The following C3orf52 variants were observed in gnomAD, a reference collection of about 807,000 sequenced individuals.
C3orf52 encodes the protein chromosome 3 open reading frame 52.
Under a neutral mutation model 24.8 loss-of-function variants are expected in C3orf52, and 22 were observed. The observed-to-expected ratio is 0.89, with a 90% CI of 0.63 to 1.27. C3orf52 has a LOEUF of 1.27. Ranked by LOEUF, C3orf52 falls within the 50% of genes most tolerant of loss-of-function variation. C3orf52 has a pLI of 0.00. For synonymous variants in C3orf52, 93 were observed against 100.2 expected (o/e 0.93, Z 0.43); for missense variants, 265 against 260.7 (o/e 1.02, Z -0.11).
downstream of C3orf52, chr3:112,133,444 T>A: frequency 3.4e-6 from 1 of 297,454 alleles, no homozygotes; most frequent in Non-Finnish European, 6.2e-6. Context: ...GCCATGGGAG[T>A]TTTTCCACTA....
At chr3:112,136,148 A>G in the C3orf52 span, among the ~76,000 whole-genome samples, 3 of 152,240 alleles carry the variant, frequency 2.0e-5, no homozygotes, top group African/African-American at 7.2e-5. Flanking sequence ...TAGCAAATAT[A>G]TTACAAAAAT....
intron 3 of C3orf52, 136 bp from the exon 4 acceptor site, chr3:112,109,407 C>T: frequency 2.0e-6 from 1 of 498,662 alleles, no homozygotes. Flanking sequence ...AATTCTTGAT[C>T]CAGAGCTTCC....
rs386397627 is a variant in C3orf52, at chr3:112,090,287, C to CTT, written c.139-3053_139-3052dup. On this transcript the variant is annotated intron_variant, in intron 1 of 5. Coordinates refer to ENST00000264848, the MANE Select transcript of C3orf52 (RefSeq NM_024616.3). ...TGGGAGTGTCTGACAGTTTCATGTG[C>CTT]TTTTTTTTTTTTTTTTTTTTTCATT... 7.2e-3 allele frequency among the ~76,000 whole-genome samples: 785 copies of CTT among 108,926 alleles called. 28 individuals carry two copies. The highest frequency in any genetic ancestry group is 0.028 in the East Asian group (103 of 3,728). 71.5% of individuals were successfully genotyped at this position (108,926 alleles called of 152,430 possible).
At chr3:112,128,436 C>T (rs1395448022) in exon 5 of C3orf52, 1 of 371,060 alleles carries the variant, frequency 2.7e-6, no homozygotes, top group African/African-American at 2.1e-5. Context: ...ATGGGTTAGG[C>T]AATATCAGTA....
At chr3:112,102,644 G>T (rs2073983977) in intron 2 of C3orf52, among the ~76,000 whole-genome samples, 194 bp from the exon 3 acceptor site, 1 of 152,088 alleles carries the variant, frequency 6.6e-6, no homozygotes, top group Non-Finnish European at 1.5e-5. Flanking sequence ...TTTGATAGAG[G>T]CAAACCCCTG....
intron 3 of C3orf52, 32 bp from the exon 4 acceptor site, chr3:112,109,511 G>A (rs1337689903): frequency 3.6e-6 from 5 of 1,394,446 alleles, no homozygotes; most frequent in Non-Finnish European, 5.0e-6. Flanking sequence ...TGTCGGTAAT[G>A]TGTGTGGTTT....
At chr3:112,113,169 C>A in intron 5 of C3orf52, 24 bp downstream of exon 5, 1 of 1,559,910 alleles carries the variant, frequency 6.4e-7, no homozygotes, top group South Asian at 1.2e-5. Context: ...GTAAAGAAGT[C>A]AGAGTTGTGA....
rs2074286682 is a variant in C3orf52 at position 112,125,127 on chromosome 3, A to C, written c.*47-3106A>C. 5 of 792,732 alleles carry C rather than the reference A, an allele frequency of 6.3e-6. No individual in the cohort carries two copies. The Admixed American group carries it at 9.5e-5, about 15-fold the overall frequency. The allele number at this position is 792,732 out of a possible 1,614,324, so 49.1% of individuals were successfully genotyped here. ...GACATCTAAAGTCTTTCTCCATGTA[A>C]GGGTCAGAAGGGATCTCAGAGGCCA... On this transcript the variant is annotated intron_variant, in intron 4 of 4. Coordinates refer to the C3orf52 transcript ENST00000480282.
intron 4 of C3orf52, chr3:112,112,485 A>T (rs1332750971): frequency 1.8e-5 from 3 of 167,390 alleles, no homozygotes; most frequent in African/African-American, 7.2e-5. Flanking sequence ...TGTGCCTTAA[A>T]CATTTTCATA....
chr3:112,105,305 A>G (rs2107783814), intron 3 of C3orf52, among the ~76,000 whole-genome samples: 1 of 152,376 alleles, frequency 6.6e-6, no homozygotes, highest in East Asian at 1.9e-4. Flanking sequence ...TGATCAAAGT[A>G]AGGCATAGTG....
chr3:112,114,209 A>T, intron 5 of C3orf52, among the ~76,000 whole-genome samples: 1 of 152,160 alleles, frequency 6.6e-6, no homozygotes, highest in East Asian at 1.9e-4. Flanking sequence ...AGGCAAGAGT[A>T]ATGTTGGCCT....
intron 1 of C3orf52, among the ~76,000 whole-genome samples, chr3:112,087,621 T>G (rs576512588): frequency 7.9e-5 from 12 of 152,242 alleles, no homozygotes; most frequent in Non-Finnish European, 1.8e-4. Flanking sequence ...TATTGCAAAG[T>G]CTGCTTTTAT....
At chr3:112,100,925 T>C (rs1168772810) in intron 2 of C3orf52, among the ~76,000 whole-genome samples, 2 of 152,200 alleles carry the variant, frequency 1.3e-5, no homozygotes, top group Non-Finnish European at 2.9e-5. Context: ...AATTACCTAT[T>C]TGTTAGGACC....
At chr3:112,112,381 C>A (rs2074091459) in intron 4 of C3orf52, 1 of 153,470 alleles carries the variant, frequency 6.5e-6, no homozygotes, top group Non-Finnish European at 1.5e-5. Context: ...ACTTTGGGGA[C>A]AAACCAGGGA....
At chr3:112,130,639 C>A (rs2074431083), downstream of C3orf52, 1 of 822,444 alleles carries the variant, frequency 1.2e-6, no homozygotes, top group African/African-American at 1.7e-5. Context: ...ACTGGTTGCC[C>A]TCACACATGT....
chr3:112,128,007 G>A, intron 4 of C3orf52: 1 of 1,611,594 alleles, frequency 6.2e-7, no homozygotes. Context: ...AAAAACAACT[G>A]TCCACTCACC....
downstream of C3orf52, chr3:112,123,145 G>C (rs1034211550): frequency 2.8e-6 from 1 of 356,352 alleles, no homozygotes; most frequent in African/African-American, 2.1e-5. Flanking sequence ...CAGAAGAGCA[G>C]AGCCCCTTGT....
chr3:112,127,981 T>A, intron 4 of C3orf52: 1 of 1,591,028 alleles, frequency 6.3e-7, no homozygotes, highest in African/African-American at 1.3e-5. Context: ...AAACCACACT[T>A]AGGGAAATAA....
rs1396523598 is a variant in C3orf52 at position 112,109,633 on chromosome 3, C to T, written c.467+20C>T. The T allele has an allele frequency of 1.4e-6, 2 of 1,462,208 alleles. No individual in the cohort carries two copies. Among genetic ancestry groups the T allele is most frequent in the Non-Finnish European group, 1.9e-6 (2 of 1,050,218 alleles). The allele number at this position is 1,462,208 out of a possible 1,614,324, so 90.6% of individuals were successfully genotyped here. A position where few individuals can be genotyped will look rare whatever the true frequency, so the allele number is the denominator to read the frequency against. Reference sequence around the variant, plus strand: ...CTTCAGGTAAGAGTGTGGAACATTACATTTTGCTCTCTTTCTCTGGAAAGA... The same window carrying T: ...CTTCAGGTAAGAGTGTGGAACATTATATTTTGCTCTCTTTCTCTGGAAAGA... On this transcript the variant is annotated intron_variant, in intron 4 of 5. Transcript: ENST00000264848.
Sources: allele counts gnomAD v4.1 joint callset (sites outside exome capture counted in the v4.1 genomes callset), GRCh38; gene constraint gnomAD v4.1.1; transcripts MANE v1.5; gene names NCBI Gene and HGNC (gene_info 2026-07-23, HGNC 2026-07-21).